Variants in CLCN3 observed in about 807,000 individuals in gnomAD.
The protein encoded by CLCN3 is Cl-/H+ antiporter 3.
CLCN3 carries 16 observed loss-of-function variants against 83.4 expected under a neutral mutation model. The observed-to-expected ratio is 0.19, with a 90% CI of 0.13 to 0.29. CLCN3 has a LOEUF of 0.29. Among genes scored for constraint, CLCN3 ranks in the 10% least tolerant of loss-of-function variants. CLCN3 has a pLI of 1.00. For missense variants in CLCN3, 544 were observed against 1,006.0 expected (o/e 0.54, Z 6.21); for synonymous variants, 322 against 346.2 (o/e 0.93, Z 0.78).
chr4:169,679,914 G>A, intron 2 of CLCN3, 136 bp from the exon 3 acceptor site: 1 of 643,092 alleles, frequency 1.6e-6, no homozygotes, highest in Non-Finnish European at 2.8e-6. Flanking sequence ...GGGAGACCGT[G>A]GAAAGCGGGA....
At chr4:169,624,375 C>T (rs1324926908) in intron 1 of CLCN3, among the ~76,000 whole-genome samples, 4 of 152,062 alleles carry the variant, frequency 2.6e-5, no homozygotes, top group Admixed American at 6.5e-5. Context: ...CTGAGGTGAT[C>T]GACCCGCCTC....
At chr4:169,658,667 G>T (rs913510792) in intron 2 of CLCN3, among the ~76,000 whole-genome samples, 1 of 151,960 alleles carries the variant, frequency 6.6e-6, no homozygotes, top group Non-Finnish European at 1.5e-5. Context: ...GGCTCAGTGT[G>T]CAGGAAGGAG....
At chr4:169,679,539 C>T (rs1224487424) in intron 2 of CLCN3, among the ~76,000 whole-genome samples, 5 of 152,270 alleles carry the variant, frequency 3.3e-5, no homozygotes, top group Admixed American at 6.5e-5. Context: ...CCAAGGCAGG[C>T]GGCTGGCAGG....
intron 12 of CLCN3, chr4:169,717,716 C>T: frequency 1.1e-6 from 1 of 901,956 alleles, no homozygotes; most frequent in Non-Finnish European, 1.8e-6. Flanking sequence ...TTTTTTCTCT[C>T]ATTCTTTATC....
At chr4:169,675,994 G>C (rs1731661565) in intron 2 of CLCN3, among the ~76,000 whole-genome samples, 1 of 152,112 alleles carries the variant, frequency 6.6e-6, no homozygotes. Context: ...TAAGTACAAA[G>C]TAGAAAATGA....
intron 1 of CLCN3, among the ~76,000 whole-genome samples, chr4:169,632,052 T>C (rs1323937783): frequency 6.6e-6 from 1 of 152,172 alleles, no homozygotes; most frequent in Non-Finnish European, 1.5e-5. Context: ...GGCTCCTCCT[T>C]AACTCATTCC....
intron 2 of CLCN3, among the ~76,000 whole-genome samples, chr4:169,637,995 T>C (rs1730278144): frequency 6.6e-6 from 1 of 152,182 alleles, no homozygotes; most frequent in Admixed American, 6.5e-5. Context: ...TATATGAGTT[T>C]TGTTTTTTAA....
Position 169,697,540 on chromosome 4 carries a change from A to G in CLCN3, c.1369A>G (p.Lys457Glu), listed in dbSNP as rs1488685516. 1.2e-6 allele frequency: 2 copies of G among 1,614,230 alleles called. No homozygotes were observed. Among genetic ancestry groups the G allele is most frequent in the Admixed American group, 1.7e-5 (1 of 60,026 alleles). ...TAGGCTAAACACCAGTGAACTGATC[A>G]AAGAGCTTTTTACAGACTGTGGTCC... ...YTRLNTSELI[K>E]ELFTDCGPLE... Residue 457 changes from lysine to glutamate, a missense_variant, in exon 9 of 13, where the codon AAA becomes GAA. This residue lies in a region of CLCN3 where 194 missense variants were observed against 341.4 expected (regional missense o/e 0.57). Transcript: ENST00000513761.
At chr4:169,699,186 T>G (rs2150258007) in intron 9 of CLCN3, among the ~76,000 whole-genome samples, 1 of 152,334 alleles carries the variant, frequency 6.6e-6, no homozygotes, top group African/African-American at 2.4e-5. Flanking sequence ...GGTATTAGCT[T>G]GAAAGGACAC....
At chr4:169,695,726 T>C in intron 8 of CLCN3, 34 bp downstream of exon 8, 1 of 1,346,320 alleles carries the variant, frequency 7.4e-7, no homozygotes, top group South Asian at 1.2e-5. Context: ...TAAAATTATA[T>C]ATAATTACCA....
chr4:169,634,578 C>G (rs1398630238), intron 1 of CLCN3, among the ~76,000 whole-genome samples: 1 of 152,166 alleles, frequency 6.6e-6, no homozygotes, highest in African/African-American at 2.4e-5. Context: ...AATATGCCAT[C>G]TTTGGTAGCG....
intron 2 of CLCN3, among the ~76,000 whole-genome samples, chr4:169,649,318 A>G (rs1287916449): frequency 6.6e-6 from 1 of 152,214 alleles, no homozygotes; most frequent in Non-Finnish European, 1.5e-5. Flanking sequence ...AGTTTTTGGT[A>G]CTTTTCCCCA....
At chr4:169,700,092 C>G (rs1732721649) in intron 9 of CLCN3, among the ~76,000 whole-genome samples, 1 of 152,186 alleles carries the variant, frequency 6.6e-6, no homozygotes, top group Non-Finnish European at 1.5e-5. Flanking sequence ...ACCTTTGACT[C>G]AGCTCTGGCT....
chr4:169,697,731 C>A lies in CLCN3; in HGVS notation c.1560C>A (p.Ile520=). 2 of 1,600,202 alleles carry A rather than the reference C, an allele frequency of 1.2e-6. No homozygotes were observed. Among genetic ancestry groups the A allele is most frequent in the Non-Finnish European group, 1.7e-6 (2 of 1,173,496 alleles). The stretch of plus-strand genomic sequence containing the variant: ...TAATGACAGTATTCACTTTTGGCAT[C>A]AAGGTAAGTGCTAATGTGAGGTGAT... The part of the protein sequence containing the change: ...KIIMTVFTFG[I]KVPSGLFIPS... The change falls in exon 9 of 13, where the codon ATC becomes ATA. Residue 520 remains isoleucine (I), a synonymous_variant. Transcript: ENST00000513761.
At chr4:169,694,154 A>G (rs182390833) in intron 7 of CLCN3, among the ~76,000 whole-genome samples, 1 of 152,338 alleles carries the variant, frequency 6.6e-6, no homozygotes, top group South Asian at 2.1e-4. Context: ...AGCAGAGTCT[A>G]CATTTTAATG....
intron 2 of CLCN3, among the ~76,000 whole-genome samples, chr4:169,648,638 C>T (rs546856050): frequency 9.2e-5 from 14 of 152,260 alleles, no homozygotes; most frequent in Admixed American, 9.2e-4. Context: ...ATGATGTGTC[C>T]TTCTCTTATG....
At chr4:169,671,795 G>A (rs575549875) in intron 2 of CLCN3, among the ~76,000 whole-genome samples, 1 of 152,206 alleles carries the variant, frequency 6.6e-6, no homozygotes, top group South Asian at 2.1e-4. Flanking sequence ...ATGGACTAAG[G>A]AACTTGCTTA....
At chr4:169,697,852 A>T in intron 9 of CLCN3, 118 bp downstream of exon 9, 1 of 695,684 alleles carries the variant, frequency 1.4e-6, no homozygotes, top group Admixed American at 2.5e-5. Flanking sequence ...TTTTGAGTTT[A>T]ATTTTAAGTA....
At chr4:169,655,394 GC>G (rs1235555643) in intron 2 of CLCN3, among the ~76,000 whole-genome samples, 2 of 152,112 alleles carry the variant, frequency 1.3e-5, no homozygotes, top group Non-Finnish European at 2.9e-5. Context: ...TTATGTTCAT[GC>G]CTGAATATTT....
Sources: gnomAD v4.1 joint callset for allele counts (sites outside exome capture counted in the v4.1 genomes callset) on GRCh38, gnomAD v4.1.1 for gene constraint, gnomAD v4.1.1 regional missense constraint, MANE v1.5 for transcripts, NCBI Gene and HGNC (gene_info 2026-07-23, HGNC 2026-07-21) for gene names.